Variants in KIRREL3 observed in about 807,000 individuals in gnomAD.
KIRREL3 encodes kirre like nephrin family adhesion molecule 3.
In KIRREL3, 36 loss-of-function variants were observed where a neutral mutation model predicts 89.7. That is an observed-to-expected ratio of 0.40 (90% CI 0.31 to 0.53). The LOEUF (loss-of-function observed/expected upper bound fraction) is 0.53. Ranked by LOEUF, KIRREL3 falls within the 20% of genes least tolerant of loss-of-function variation. KIRREL3 has a pLI of 0.49. For missense variants in KIRREL3, 864 were observed against 1,056.6 expected (o/e 0.82, Z 2.53); for synonymous variants, 445 against 441.4 (o/e 1.01, Z -0.10).
chr11:126,464,421 C>A (rs1007249065), intron 5 of KIRREL3, among the ~76,000 whole-genome samples: 5 of 150,922 alleles, frequency 3.3e-5, no homozygotes, highest in Admixed American at 2.0e-4. Context: ...GTCCCAGCTA[C>A]TTGGGAGGCT....
Position 126,876,537 on chromosome 11 carries a change from GC to G in KIRREL3, c.55+123917del, listed in dbSNP as rs1945291383. ...GCTTACAGTACATACTCATAAATAT[GC>G]TTTTTTTTTTTTTTTTTGAGATGGA... On this transcript the variant is annotated intron_variant, in intron 1 of 16. Transcript: ENST00000525144. The surrounding 1 kb of genome is among the most constrained non-coding windows in gnomAD (Gnocchi z 4.1). Among the ~76,000 whole-genome samples, 1 of 106,426 alleles carries G rather than the reference GC, an allele frequency of 9.4e-6. No individual in the cohort carries two copies. Among genetic ancestry groups the G allele is most frequent in the Admixed American group, 1.3e-4 (1 of 7,642 alleles). The allele number at this position is 106,426 out of a possible 152,430, so 69.8% of individuals were successfully genotyped here. A position where few individuals can be genotyped will look rare whatever the true frequency, so the allele number is the denominator to read the frequency against.
rs1374114956 is a variant in KIRREL3 at position 126,474,516 on chromosome 11, C to T, written c.434-1050G>A. The stretch of plus-strand genomic sequence containing the variant: ...ACAGTGGAGCCAGCGCTTCGGAGGG[C>T]TGTGTAAGCGCTGGCATCTCCTGAG... On this transcript the variant is annotated intron_variant, in intron 4 of 16. Coordinates refer to ENST00000525144, the MANE Select transcript of KIRREL3 (RefSeq NM_032531.4). The surrounding 1 kb of genome is among the most constrained non-coding windows in gnomAD (Gnocchi z 6.7). Among the ~76,000 whole-genome samples the T allele has an allele frequency of 6.6e-6, 1 of 152,232 alleles. No individual in the cohort carries two copies. The highest frequency in any genetic ancestry group is 1.5e-5 in the Non-Finnish European group (1 of 68,038).
Position 126,562,975 on chromosome 11 carries a change from C to A in KIRREL3, c.56-63G>T, listed in dbSNP as rs1419526545. The A allele has an allele frequency of 8.0e-7, 1 of 1,250,184 alleles. No individual in the cohort carries two copies. The allele number at this position is 1,250,184 out of a possible 1,614,324, so 77.4% of individuals were successfully genotyped here. A position where few individuals can be genotyped will look rare whatever the true frequency, so the allele number is the denominator to read the frequency against. On this transcript the variant is annotated intron_variant, in intron 1 of 16. Transcript: ENST00000525144. This position sits in a 1 kb window ranked among gnomAD's most constrained non-coding sequence, Gnocchi z 4.7. ...AACAGGTCAGGCATTGTTGGGGGGC[C>A]CTCTGCAGGGGGCTGTGGAGCTTGT...
chr11:126,450,899 G>A (rs573495889), intron 7 of KIRREL3, among the ~76,000 whole-genome samples: 294 of 151,120 alleles, frequency 1.9e-3, no homozygotes, highest in Admixed American at 3.2e-3. Context: ...GTGCGTGTGT[G>A]CATGTGCGTG....
chr11:126,899,123 G>GA (rs1326934296), intron 1 of KIRREL3, among the ~76,000 whole-genome samples: 6 of 151,946 alleles, frequency 3.9e-5, no homozygotes, highest in African/African-American at 1.5e-4. Context: ...ACAAGGATGG[G>GA]AAAAAACCCA....
At position 126,431,140 on chromosome 11, in the gene KIRREL3, T is replaced by C. The variant is rs992481172; in HGVS notation, c.1696+279A>G. The C allele has an allele frequency of 1.4e-5, 20 of 1,434,840 alleles. No homozygotes were observed. The East Asian group carries it at 3.5e-4, about 25-fold the overall frequency. The allele number at this position is 1,434,840 out of a possible 1,614,324, so 88.9% of individuals were successfully genotyped here. A position where few individuals can be genotyped will look rare whatever the true frequency, so the allele number is the denominator to read the frequency against. Reference sequence around the variant, plus strand: ...TCCCCCTATCTTTCTGTACAGTTCCTGACTGAAAGAGCTATGTGTTCAATC... The same window carrying C: ...TCCCCCTATCTTTCTGTACAGTTCCCGACTGAAAGAGCTATGTGTTCAATC... On this transcript the variant is annotated intron_variant, in intron 14 of 16. Transcript: ENST00000525144. The surrounding 1 kb of genome is among the most constrained non-coding windows in gnomAD (Gnocchi z 7.1).
In KIRREL3 at chr11:126,686,246, T is replaced by A. The variant is rs1357370889; in HGVS notation, c.56-123334A>T. On this transcript the variant is annotated intron_variant, in intron 1 of 16. Transcript: ENST00000525144. This position sits in a 1 kb window ranked among gnomAD's most constrained non-coding sequence, Gnocchi z 4.7. ...GCGCGGGTGTGGAGGCAGGTCTCCA[T>A]GGATTGTACGGCTTTCCCAAGGCCT... Among the ~76,000 whole-genome samples the A allele has an allele frequency of 1.3e-5, 2 of 152,218 alleles. No individual in the cohort carries two copies. Among genetic ancestry groups the A allele is most frequent in the Non-Finnish European group, 2.9e-5 (2 of 68,038 alleles).
rs1949835731 is a variant in KIRREL3, at chr11:126,985,433, G to C, written c.55+15022C>G. On this transcript the variant is annotated intron_variant, in intron 1 of 16. Transcript: ENST00000525144. The surrounding 1 kb of genome is among the most constrained non-coding windows in gnomAD (Gnocchi z 5.3). ...ACTCCATGTGGATAAATCATAGTAA[G>C]AGCCACAAAAGGCTTCCTGGGGCGC... Among the ~76,000 whole-genome samples, 1 of 152,172 alleles carries C rather than the reference G, an allele frequency of 6.6e-6. No individual in the cohort carries two copies. The highest frequency in any genetic ancestry group is 1.5e-5 in the Non-Finnish European group (1 of 68,036).
At chr11:126,774,762 T>G (rs1284022043) in intron 1 of KIRREL3, among the ~76,000 whole-genome samples, 1 of 152,178 alleles carries the variant, frequency 6.6e-6, no homozygotes, top group Non-Finnish European at 1.5e-5. Flanking sequence ...CAGGGCTCTC[T>G]TGGAGACAGA....
chr11:126,746,505 T>C (rs1949155488), intron 1 of KIRREL3, among the ~76,000 whole-genome samples: 2 of 152,092 alleles, frequency 1.3e-5, no homozygotes, highest in South Asian at 4.1e-4. Context: ...TTGCCAGACA[T>C]CTCTACTAGC....
chr11:126,946,760 G>C lies in KIRREL3; in HGVS notation c.55+53695C>G, dbSNP rs1300154424. Among the ~76,000 whole-genome samples, 1 of 152,038 alleles carries C rather than the reference G, an allele frequency of 6.6e-6. No individual in the cohort carries two copies. Among genetic ancestry groups the C allele is most frequent in the Admixed American group, 6.5e-5 (1 of 15,274 alleles). ...TAATTTTGTACTTATCATATGTCAG[G>C]CAACAGAGTGAATGTTCTACACAGG... is the stretch of plus-strand genomic sequence containing the variant. On this transcript the variant is annotated intron_variant, in intron 1 of 16. Coordinates refer to ENST00000525144, the MANE Select transcript of KIRREL3 (RefSeq NM_032531.4). This position sits in a 1 kb window ranked among gnomAD's most constrained non-coding sequence, Gnocchi z 4.1.
In KIRREL3 at chr11:126,807,893, C is replaced by G. The variant is rs967748347; in HGVS notation, c.55+192562G>C. On this transcript the variant is annotated intron_variant, in intron 1 of 16. Transcript: ENST00000525144. The surrounding 1 kb of genome is among the most constrained non-coding windows in gnomAD (Gnocchi z 4.3). Reference sequence around the variant, plus strand: ...CTCATAGGAAGGTGACGAAAGGAAGCTCAAGTTGTGTGACTAATATGCCCA... The same window carrying G: ...CTCATAGGAAGGTGACGAAAGGAAGGTCAAGTTGTGTGACTAATATGCCCA... Among the ~76,000 whole-genome samples the G allele has an allele frequency of 6.6e-6, 1 of 152,068 alleles. No homozygotes were observed. Among genetic ancestry groups the G allele is most frequent in the Non-Finnish European group, 1.5e-5 (1 of 68,040 alleles).
At chr11:126,801,849 C>T (rs539608593) in intron 1 of KIRREL3, among the ~76,000 whole-genome samples, 2 of 152,164 alleles carry the variant, frequency 1.3e-5, no homozygotes, top group African/African-American at 2.4e-5. Context: ...GCAGGAGGAT[C>T]GCGTGATCCC....
intron 1 of KIRREL3, among the ~76,000 whole-genome samples, chr11:126,591,268 A>G (rs1054680322): frequency 6.6e-6 from 1 of 152,226 alleles, no homozygotes; most frequent in Admixed American, 6.5e-5. Context: ...CAAATGCTGT[A>G]TTAAGATGTT....
At position 126,519,312 on chromosome 11, in the gene KIRREL3, A is replaced by C. The variant is rs1958515993; in HGVS notation, c.433+2003T>G. Among the ~76,000 whole-genome samples the C allele has an allele frequency of 6.6e-6, 1 of 152,232 alleles. No individual in the cohort carries two copies. On this transcript the variant is annotated intron_variant, in intron 4 of 16. Coordinates refer to ENST00000525144, the MANE Select transcript of KIRREL3 (RefSeq NM_032531.4). This position sits in a 1 kb window ranked among gnomAD's most constrained non-coding sequence, Gnocchi z 4.3. ...TGAGATGCTGCTGGCATCTGGGAAC[A>C]GGAGACTAGGCAAAGAGCTTGGAGC...
chr11:126,498,290 C>T lies in KIRREL3; in HGVS notation c.433+23025G>A, dbSNP rs888350867. ...AAGACAAAAAGAAAAAGAAAACGCC[C>T]ATTTTCTCACTCCAAGTTTCCCCCT... On this transcript the variant is annotated intron_variant, in intron 4 of 16. Coordinates refer to ENST00000525144, the MANE Select transcript of KIRREL3 (RefSeq NM_032531.4). This position sits in a 1 kb window ranked among gnomAD's most constrained non-coding sequence, Gnocchi z 4.3. 6.6e-6 allele frequency among the ~76,000 whole-genome samples: 1 copy of T among 152,170 alleles called. No homozygotes were observed. The highest frequency in any genetic ancestry group is 2.4e-5 in the African/African-American group (1 of 41,432).
chr11:126,547,624 A>T (rs1006548335), intron 2 of KIRREL3, among the ~76,000 whole-genome samples: 2 of 152,132 alleles, frequency 1.3e-5, no homozygotes, highest in Non-Finnish European at 2.9e-5. Flanking sequence ...CAGTGCAGAA[A>T]ATTCACTCAA....
At chr11:126,445,144 G>A (rs1955741914) in intron 9 of KIRREL3, 39 bp from the exon 10 acceptor site, 2 of 1,609,680 alleles carry the variant, frequency 1.2e-6, no homozygotes, top group Non-Finnish European at 1.7e-6. Flanking sequence ...AGAGCAGGCG[G>A]AGGGGTGCAC....
At chr11:126,818,079 T>A (rs548146782) in intron 1 of KIRREL3, among the ~76,000 whole-genome samples, 1 of 152,294 alleles carries the variant, frequency 6.6e-6, no homozygotes, top group South Asian at 2.1e-4. Context: ...AGCAGACAAC[T>A]GGCATGGTGG....
Sources: gnomAD v4.1 joint callset for allele counts (sites outside exome capture counted in the v4.1 genomes callset) on GRCh38, gnomAD v4.1.1 for gene constraint, Gnocchi (gnomAD v3.1) non-coding constraint, MANE v1.5 for transcripts, NCBI Gene and HGNC (gene_info 2026-07-23, HGNC 2026-07-21) for gene names.